MAP6: variants seen among roughly 807,000 people sequenced by gnomAD.
MAP6 encodes microtubule-associated protein 6.
In MAP6, 26 loss-of-function variants were observed where a neutral mutation model predicts 42.4. The ratio of observed to expected loss-of-function variants is 0.61; its 90% CI spans 0.45 to 0.85. MAP6 has a LOEUF of 0.85. MAP6 is among the 40% of genes least tolerant of loss of function. The pLI, the probability that MAP6 is intolerant of heterozygous loss-of-function variation, is 0.00. For missense variants in MAP6, 966 were observed against 1,099.0 expected (o/e 0.88, Z 1.71); for synonymous variants, 418 against 443.8 (o/e 0.94, Z 0.73).
intron 3 of MAP6, among the ~76,000 whole-genome samples, chr11:75,597,596 A>G (rs1003952140): frequency 1.3e-5 from 2 of 152,232 alleles, no homozygotes; most frequent in African/African-American, 2.4e-5. Context: ...CTTGTCTAAC[A>G]CTATGCTCCT....
At chr11:75,588,496 C>T (rs981571313) in intron 3 of MAP6, among the ~76,000 whole-genome samples, 9 of 152,142 alleles carry the variant, frequency 5.9e-5, no homozygotes, top group Admixed American at 2.0e-4. Flanking sequence ...ATCCAGTAGG[C>T]ATCCCAGCAG....
chr11:75,643,470 T>G (rs1367765213), intron 1 of MAP6, among the ~76,000 whole-genome samples: 1 of 152,142 alleles, frequency 6.6e-6, no homozygotes, highest in East Asian at 1.9e-4. Context: ...GTAAGGTGCT[T>G]GGCAAAGAGG....
intron 1 of MAP6, among the ~76,000 whole-genome samples, chr11:75,612,388 A>C (rs1016068918): frequency 6.6e-6 from 1 of 152,240 alleles, no homozygotes; most frequent in African/African-American, 2.4e-5. Context: ...GATCCTAAGA[A>C]AAGACAAGAT....
At chr11:75,643,615 C>A (rs1342814281) in intron 1 of MAP6, among the ~76,000 whole-genome samples, 3 of 152,192 alleles carry the variant, frequency 2.0e-5, no homozygotes, top group African/African-American at 7.2e-5. Context: ...TCCTGGCAGT[C>A]CCAGAAATGG....
Position 75,587,443 on chromosome 11 carries a change from T to TACA in MAP6, c.2055_2057dup (p.Val687dup). The stretch of plus-strand genomic sequence containing the variant: ...CGTGAACCTTTGCATGCTCTGGGAC[T>TACA]ACAACATCTTGATCCTTGACTGGCC... On this transcript the variant is annotated inframe_insertion, in exon 4 of 4. Transcript: ENST00000304771. The TACA allele has an allele frequency of 6.2e-7, 1 of 1,614,162 alleles. No homozygotes were observed. Among genetic ancestry groups the TACA allele is most frequent in the Non-Finnish European group, 8.5e-7 (1 of 1,180,022 alleles).
At chr11:75,629,380 C>A (rs1290998413) in intron 1 of MAP6, among the ~76,000 whole-genome samples, 2 of 151,966 alleles carry the variant, frequency 1.3e-5, no homozygotes, top group Non-Finnish European at 2.9e-5. Context: ...GAGCCACCAC[C>A]CCCTGCCAAG....
rs1942393049 is a variant in MAP6, at chr11:75,587,930, G to A, written c.1571C>T (p.Ala524Val). ...CGAGGGACCTTGGTCCTTGACTGGTGCTGAGATAACAGGGCTTTCATTCTT... is the reference window on the plus strand; with the variant it reads ...CGAGGGACCTTGGTCCTTGACTGGTACTGAGATAACAGGGCTTTCATTCTT... ...PLKNESPVIS[A>V]PVKDQGPSVP... Residue 524 changes from alanine (A) to valine (V), a missense_variant, in exon 4 of 4, where the codon GCA becomes GTA. Physicochemically the swap from Ala to Val is moderately conservative, Grantham distance 64 (BLOSUM62 0). This residue lies in a region of MAP6 where 943 missense variants were observed against 1,049.9 expected (regional missense o/e 0.90). Coordinates refer to ENST00000304771, the MANE Select transcript of MAP6 (RefSeq NM_033063.2). 5 of 1,614,026 alleles carry A rather than the reference G, an allele frequency of 3.1e-6. No homozygotes were observed. In the South Asian group the frequency reaches 3.3e-5, roughly 11 times the overall value.
At chr11:75,651,321 A>G (rs1943642413) in intron 1 of MAP6, among the ~76,000 whole-genome samples, 1 of 152,152 alleles carries the variant, frequency 6.6e-6, no homozygotes, top group African/African-American at 2.4e-5. Flanking sequence ...ATGGTGTTAT[A>G]GTAGATTTTT....
intron 1 of MAP6, among the ~76,000 whole-genome samples, chr11:75,636,455 T>C (rs1943370976): frequency 6.6e-6 from 1 of 152,212 alleles, no homozygotes; most frequent in Admixed American, 6.5e-5. Flanking sequence ...ATTAAGGGCA[T>C]CTTTTTTACT....
chr11:75,622,774 G>T (rs1943131213), intron 1 of MAP6, among the ~76,000 whole-genome samples: 1 of 152,168 alleles, frequency 6.6e-6, no homozygotes. Context: ...CTCACATAAG[G>T]ATAGACATAT....
Position 75,667,871 on chromosome 11 carries a change from G to A in MAP6, c.499C>T (p.Arg167Cys). 3 of 1,444,476 alleles carry A rather than the reference G, an allele frequency of 2.1e-6. No individual in the cohort carries two copies. Among genetic ancestry groups the A allele is most frequent in the South Asian group, 2.8e-5 (2 of 71,306 alleles). The allele number at this position is 1,444,476 out of a possible 1,614,324, so 89.5% of individuals were successfully genotyped here. A position where few individuals can be genotyped will look rare whatever the true frequency, so the allele number is the denominator to read the frequency against. Residue 167 changes from arginine to cysteine, a missense_variant, in exon 1 of 4, where the codon CGC (arginine) becomes TGC (cysteine). Arg to Cys is a radical substitution (Grantham distance 180, BLOSUM62 -3). Transcript: ENST00000304771. The surrounding 1 kb of genome is among the most constrained non-coding windows in gnomAD (Gnocchi z 5.6). ...GGGATCCACGGGTGGTCCCCGCGGC[G>A]CGGCAGCGGCCAGGCGCGGAAGTCC... The part of the protein sequence containing the change: ...QKDFRAWPLP[R>C]RGDHPWIPKP...
rs897279637 is a variant in MAP6, at chr11:75,611,209, C to T, written c.906-2887G>A. Reference sequence around the variant, plus strand: ...CTCCTGGTATTTGGGCCTGGGCCTCCAGGACCCAATCAGTGACAACCTGGC... The same window carrying T: ...CTCCTGGTATTTGGGCCTGGGCCTCTAGGACCCAATCAGTGACAACCTGGC... On this transcript the variant is annotated intron_variant, in intron 1 of 3. Coordinates refer to ENST00000304771, the MANE Select transcript of MAP6 (RefSeq NM_033063.2). Among the ~76,000 whole-genome samples, 4 of 152,382 alleles carry T rather than the reference C, an allele frequency of 2.6e-5. No individual in the cohort carries two copies. The South Asian group carries it at 8.3e-4, about 32-fold the overall frequency.
At chr11:75,600,834 T>G (rs1038883625) in intron 3 of MAP6, among the ~76,000 whole-genome samples, 5 of 152,332 alleles carry the variant, frequency 3.3e-5, no homozygotes, top group Admixed American at 6.5e-5. Flanking sequence ...GAGAAGCAGG[T>G]TGTAAATTCT....
chr11:75,629,654 A>G (rs1943253726), intron 1 of MAP6, among the ~76,000 whole-genome samples: 1 of 152,184 alleles, frequency 6.6e-6, no homozygotes, highest in Non-Finnish European at 1.5e-5. Context: ...AGCTGCTATC[A>G]CTTGCTTGTT....
At chr11:75,630,308 T>C (rs924931234) in intron 1 of MAP6, among the ~76,000 whole-genome samples, 2 of 152,216 alleles carry the variant, frequency 1.3e-5, no homozygotes, top group Admixed American at 1.3e-4. Flanking sequence ...GTTCTCTCTT[T>C]TTCTATTTTT....
At chr11:75,622,818 GA>G in intron 1 of MAP6, among the ~76,000 whole-genome samples, 1 of 152,216 alleles carries the variant, frequency 6.6e-6, no homozygotes. Context: ...TTCAGAAATA[GA>G]TCTTTGCATA....
intron 3 of MAP6, among the ~76,000 whole-genome samples, chr11:75,592,965 C>G (rs912957320): frequency 6.6e-6 from 1 of 152,190 alleles, no homozygotes; most frequent in Admixed American, 6.5e-5. Context: ...TCTCTTGTTC[C>G]CTCTTCACCT....
intron 2 of MAP6, chr11:75,607,537 A>C: frequency 1.0e-6 from 1 of 985,492 alleles, no homozygotes. Flanking sequence ...TTTTGGTAAC[A>C]AATGCTGGGA....
intron 3 of MAP6, among the ~76,000 whole-genome samples, chr11:75,592,018 C>T (rs1942485051): frequency 6.6e-6 from 1 of 152,252 alleles, no homozygotes; most frequent in Non-Finnish European, 1.5e-5. Flanking sequence ...TTATGTCATT[C>T]AACCCTCACA....
Sources: gnomAD v4.1 joint callset for allele counts (sites outside exome capture counted in the v4.1 genomes callset) on GRCh38, gnomAD v4.1.1 for gene constraint, gnomAD v4.1.1 regional missense constraint, Gnocchi (gnomAD v3.1) non-coding constraint, MANE v1.5 for transcripts, NCBI Gene and HGNC (gene_info 2026-07-23, HGNC 2026-07-21) for gene names.